The following ADGRV1 variants were observed in gnomAD, a reference collection of about 807,000 sequenced individuals.
ADGRV1 encodes the protein G-protein coupled receptor 98.
A neutral mutation model predicts 596.2 loss-of-function variants in ADGRV1; 359 were observed. That is an observed-to-expected ratio of 0.60 (90% CI 0.55 to 0.66). ADGRV1 has a LOEUF of 0.66. Among genes scored for constraint, ADGRV1 ranks in the 30% least tolerant of loss-of-function variants. The probability of loss-of-function intolerance (pLI) is 0.00; values close to 1 mark genes in which losing one functional copy is unlikely to be tolerated. For missense variants in ADGRV1, 7,274 were observed against 7,575.6 expected, an observed-to-expected ratio of 0.96 and a Z score of 1.48; for synonymous variants, 2,681 against 2,679.2, an observed-to-expected ratio of 1.00 and a Z score of -0.02.
In ADGRV1 at chr5:90,717,025, A is replaced by G. The variant is rs1332535122; in HGVS notation, c.9447+296A>G. ...ATTTAAATTGCATATGTCACTTTAT[A>G]TTGTGTATAAACCATATAAAAGAAA... is the stretch of plus-strand genomic sequence containing the variant. On this transcript the variant is annotated intron_variant, in intron 43 of 89. Coordinates refer to ENST00000405460, the MANE Select transcript of ADGRV1 (RefSeq NM_032119.4). 5 of 205,292 alleles carry G rather than the reference A, an allele frequency of 2.4e-5. No homozygotes were observed. In the East Asian group the frequency reaches 3.2e-4, roughly 13 times the overall value. 12.7% of individuals were successfully genotyped at this position (205,292 alleles called of 1,614,324 possible).
intron 75 of ADGRV1, among the ~76,000 whole-genome samples, chr5:90,817,061 T>C (rs936843678): frequency 1.3e-5 from 2 of 152,222 alleles, no homozygotes; most frequent in Non-Finnish European, 2.9e-5. Context: ...CTCCACACCC[T>C]TTCCAGCACC....
At chr5:90,991,193 G>A (rs1392573570) in intron 85 of ADGRV1, among the ~76,000 whole-genome samples, 1 of 152,112 alleles carries the variant, frequency 6.6e-6, no homozygotes, top group African/African-American at 2.4e-5. Flanking sequence ...ATTAATAAAT[G>A]TCAATAACAG....
In ADGRV1 at chr5:90,685,923, G is replaced by C. The variant is rs777017458; in HGVS notation, c.6418G>C (p.Val2140Leu). 3 of 1,611,154 alleles carry C rather than the reference G, an allele frequency of 1.9e-6. No individual in the cohort carries two copies. The South Asian group carries it at 3.3e-5, about 18-fold the overall frequency. The part of the protein sequence containing the change: ...AENHVGPIIN[V>L]TRTGGAFADV... ...AAATCATGTTGGACCCATTATCAAT[G>C]TGACTAGAACAGGAGGAGCATTTGC... is the stretch of plus-strand genomic sequence containing the variant. Residue 2140 changes from valine to leucine, a missense_variant, in exon 29 of 90, where the codon GTG (valine) becomes CTG (leucine). By Grantham distance (32) the Val-to-Leu change is conservative (BLOSUM62 1). Around this residue, in one of 5 missense-constraint regions of ADGRV1, gnomAD observed 3,643 missense variants for 3,809.2 expected, o/e 0.96. Transcript: ENST00000405460.
chr5:90,665,362 A>G (rs1771148279), intron 21 of ADGRV1, among the ~76,000 whole-genome samples: 1 of 151,400 alleles, frequency 6.6e-6, no homozygotes, highest in African/African-American at 2.4e-5. Context: ...GTGTTGAGGA[A>G]TTTATCCATT....
At chr5:91,109,587 T>C (rs1792186794) in intron 87 of ADGRV1, among the ~76,000 whole-genome samples, 1 of 152,200 alleles carries the variant, frequency 6.6e-6, no homozygotes, top group Non-Finnish European at 1.5e-5. Flanking sequence ...AGTGCATTGA[T>C]CATGGTGGCT....
intron 75 of ADGRV1, among the ~76,000 whole-genome samples, chr5:90,818,923 G>T (rs1350478438): frequency 2.7e-5 from 4 of 150,618 alleles, no homozygotes; most frequent in East Asian, 3.9e-4. Context: ...AATGATGCTG[G>T]CCTCATAAAA....
At chr5:90,979,071 A>G (rs11747245) in intron 84 of ADGRV1, among the ~76,000 whole-genome samples, 75,595 of 151,602 alleles carry the variant, frequency 0.5, 20,422 homozygotes, top group African/African-American at 0.71. Flanking sequence ...TACAAGTAAA[A>G]CATATCTCCA....
chr5:90,664,280 T>C (rs1770911139), intron 21 of ADGRV1, among the ~76,000 whole-genome samples: 1 of 142,316 alleles, frequency 7.0e-6, no homozygotes, highest in South Asian at 2.3e-4. Context: ...GTATCCTCTT[T>C]TATTTCCTTG....
At chr5:90,731,396 A>G (rs977546041) in intron 50 of ADGRV1, among the ~76,000 whole-genome samples, 1 of 152,178 alleles carries the variant, frequency 6.6e-6, no homozygotes, top group African/African-American at 2.4e-5. Context: ...CCAACACTGA[A>G]AATTATAATT....
chr5:90,728,760 C>G lies in ADGRV1; in HGVS notation c.10253C>G (p.Ser3418Cys). The change falls in exon 49 of 90, where the codon TCT (serine) becomes TGT (cysteine). Residue 3418 changes from serine to cysteine, a missense_variant. Coordinates refer to ENST00000405460, the MANE Select transcript of ADGRV1 (RefSeq NM_032119.4). ...LTVALFNKGG[S>C]VFLAISQANA... Reference sequence around the variant, plus strand: ...GTGGCCTTGTTCAACAAGGGAGGCTCTGTGTTCTTAGCCATTTCCCAGGCT... The same window carrying G: ...GTGGCCTTGTTCAACAAGGGAGGCTGTGTGTTCTTAGCCATTTCCCAGGCT... 2 of 1,613,932 alleles carry G rather than the reference C, an allele frequency of 1.2e-6. No individual in the cohort carries two copies. The highest frequency in any genetic ancestry group is 1.7e-6 in the Non-Finnish European group (2 of 1,179,844).
intron 13 of ADGRV1, 61 bp downstream of exon 13, chr5:90,643,102 TG>T: frequency 7.4e-7 from 1 of 1,342,956 alleles, no homozygotes; most frequent in East Asian, 2.4e-5. Flanking sequence ...TGGTATATTA[TG>T]AATATAAATA....
Position 90,778,415 on chromosome 5 carries a change from G to A in ADGRV1, c.12667-12G>A, listed in dbSNP as rs780730703. ...CAGATTCTACTGTTGATGACTCTTT[G>A]TCTTTTTCTAGGCTTTGAACGATGA... On this transcript the variant is annotated splice_polypyrimidine_tract_variant and intron_variant, in intron 62 of 89. Transcript: ENST00000405460. 2.5e-6 allele frequency: 4 copies of A among 1,609,908 alleles called. No homozygotes were observed. In the African/African-American group the frequency reaches 4.0e-5, roughly 16 times the overall value.
At chr5:90,831,278 T>TACACAC (rs899803255) in intron 77 of ADGRV1, among the ~76,000 whole-genome samples, 501 of 148,978 alleles carry the variant, frequency 3.4e-3, no homozygotes, top group African/African-American at 0.012. Flanking sequence ...TATACATATA[T>TACACAC]ATACACACAC....
rs113938044 is a variant in ADGRV1 at position 90,728,767 on chromosome 5, C to T, written c.10260C>T (p.Phe3420=). The T allele has an allele frequency of 1.9e-3, 2,988 of 1,613,966 alleles. 8 individuals are homozygous for T. The highest frequency in any genetic ancestry group is 8.1e-3 in the Middle Eastern group (49 of 6,058). The change falls in exon 49 of 90, where the codon TTC becomes TTT. Residue 3420 remains phenylalanine (F), a synonymous_variant. Coordinates refer to ENST00000405460, the MANE Select transcript of ADGRV1 (RefSeq NM_032119.4). ...TGTTCAACAAGGGAGGCTCTGTGTTCTTAGCCATTTCCCAGGCTAATGCCA... is the reference window on the plus strand; with the variant it reads ...TGTTCAACAAGGGAGGCTCTGTGTTTTTAGCCATTTCCCAGGCTAATGCCA... ...VALFNKGGSV[F]LAISQANARL... is the part of the protein sequence containing the mutation.
chr5:90,591,945 T>G (rs1759559456), intron 1 of ADGRV1, among the ~76,000 whole-genome samples: 1 of 152,226 alleles, frequency 6.6e-6, no homozygotes, highest in Admixed American at 6.5e-5. Context: ...GAGACACAAC[T>G]GAGATTTAGA....
chr5:90,728,950 T>A lies in ADGRV1; in HGVS notation c.10426+17T>A. 6.5e-7 allele frequency: 1 copy of A among 1,532,336 alleles called. No individual in the cohort carries two copies. The highest frequency in any genetic ancestry group is 9.0e-7 in the Non-Finnish European group (1 of 1,113,322). 94.9% of individuals were successfully genotyped at this position (1,532,336 alleles called of 1,614,324 possible). ...TCTTTCTAGGTGAGAAGATAAAGTA[T>A]TTGTAGTGTATATATAATTATTGAA... On this transcript the variant is annotated intron_variant, in intron 49 of 89. Coordinates refer to ENST00000405460, the MANE Select transcript of ADGRV1 (RefSeq NM_032119.4).
At chr5:91,158,249 C>T (rs1453991848) in intron 89 of ADGRV1, among the ~76,000 whole-genome samples, 1 of 152,196 alleles carries the variant, frequency 6.6e-6, no homozygotes. Context: ...TTAGAGAACA[C>T]TGGAAATTTA....
intron 36 of ADGRV1, 44 bp downstream of exon 36, chr5:90,704,532 C>T (rs747142762): frequency 5.1e-5 from 62 of 1,224,902 alleles, no homozygotes; most frequent in African/African-American, 1.2e-4. Context: ...ATATTCTTTT[C>T]GTAAAAGAAA....
intron 85 of ADGRV1, among the ~76,000 whole-genome samples, chr5:91,003,970 G>GT (rs1782054141): frequency 6.6e-6 from 1 of 152,062 alleles, no homozygotes; most frequent in Non-Finnish European, 1.5e-5. Context: ...TGATGAAATG[G>GT]TAACTGTAGG....
Sources: gnomAD v4.1 joint callset for allele counts (sites outside exome capture counted in the v4.1 genomes callset) on GRCh38, gnomAD v4.1.1 for gene constraint, gnomAD v4.1.1 regional missense constraint, MANE v1.5 for transcripts, NCBI Gene and HGNC (gene_info 2026-07-23, HGNC 2026-07-21) for gene names.